Variants in LRRIQ1 observed in about 807,000 individuals in gnomAD.
LRRIQ1 encodes the protein leucine rich repeats and IQ motif containing 1, also known as leucine-rich repeat- and IQ domain-containing protein 1.
In LRRIQ1, 210 loss-of-function variants were observed where a neutral mutation model predicts 211.9. The observed-to-expected ratio is 0.99, with a 90% CI of 0.89 to 1.11. The LOEUF (loss-of-function observed/expected upper bound fraction) is 1.11. LRRIQ1 is among the 50% of genes most tolerant of loss of function. The pLI is 0.00. For missense variants in LRRIQ1, 2,136 were observed against 1,939.5 expected, an observed-to-expected ratio of 1.10 and a Z score of -1.90; for synonymous variants, 699 against 650.1, an observed-to-expected ratio of 1.08 and a Z score of -1.14.
intron 8 of LRRIQ1, 60 bp downstream of exon 8, chr12:85,057,244 A>C: frequency 8.9e-7 from 1 of 1,125,766 alleles, no homozygotes; most frequent in Non-Finnish European, 1.2e-6. Context: ...TTAAAGTATA[A>C]CTTTTCAGAT....
chr12:85,066,098 G>C (rs1057183600), intron 9 of LRRIQ1, among the ~76,000 whole-genome samples: 2 of 151,904 alleles, frequency 1.3e-5, no homozygotes, highest in Non-Finnish European at 2.9e-5. Flanking sequence ...ATTGGTTTCT[G>C]ATGTGTACTG....
At chr12:85,109,113 T>A (rs1592812278) in intron 15 of LRRIQ1, among the ~76,000 whole-genome samples, 1 of 152,270 alleles carries the variant, frequency 6.6e-6, no homozygotes, top group East Asian at 1.9e-4. Context: ...ATAAGATATA[T>A]TACAGAAGAA....
At chr12:85,123,051 G>A (rs2136435048) in intron 16 of LRRIQ1, among the ~76,000 whole-genome samples, 1 of 151,934 alleles carries the variant, frequency 6.6e-6, no homozygotes, top group South Asian at 2.1e-4. Flanking sequence ...CATAAGTGGT[G>A]GTGAGTTCAA....
At chr12:85,086,707 A>G (rs1352723001) in intron 11 of LRRIQ1, among the ~76,000 whole-genome samples, 1 of 151,300 alleles carries the variant, frequency 6.6e-6, no homozygotes, top group Non-Finnish European at 1.5e-5. Context: ...GATACAGTTG[A>G]TGAAACTGAG....
Position 85,217,466 on chromosome 12 carries a change from G to GTATATATA in LRRIQ1, c.4823-12033_4823-12026dup, listed in dbSNP as rs1176544778. ...CCTTTAGATAGAGCAGGGACCTGAA[G>GTATATATA]TATATATATATATATATATATATAT... is the stretch of plus-strand genomic sequence containing the variant. On this transcript the variant is annotated intron_variant, in intron 24 of 26. Coordinates refer to ENST00000393217, the MANE Select transcript of LRRIQ1 (RefSeq NM_001079910.2). Among the ~76,000 whole-genome samples the GTATATATA allele has an allele frequency of 1.0e-4, 7 of 67,020 alleles. 1 individual carries two copies. The highest frequency in any genetic ancestry group is 4.4e-4 in the East Asian group (1 of 2,294). 44.0% of individuals were successfully genotyped at this position (67,020 alleles called of 152,430 possible).
At chr12:85,052,492 A>T (rs890569301) in intron 7 of LRRIQ1, among the ~76,000 whole-genome samples, 9 of 152,002 alleles carry the variant, frequency 5.9e-5, no homozygotes, top group South Asian at 2.1e-4. Flanking sequence ...ATTTCTTTTA[A>T]GGTTTGATGA....
At chr12:85,086,212 T>A (rs1417481574) in intron 11 of LRRIQ1, among the ~76,000 whole-genome samples, 1 of 152,202 alleles carries the variant, frequency 6.6e-6, no homozygotes, top group Non-Finnish European at 1.5e-5. Context: ...TTTCACATAT[T>A]TGTTGACTGC....
intron 19 of LRRIQ1, among the ~76,000 whole-genome samples, chr12:85,138,915 T>TA (rs1228960826): frequency 1.3e-5 from 2 of 151,528 alleles, no homozygotes; most frequent in Non-Finnish European, 3.0e-5. Flanking sequence ...ATGGTAGTCT[T>TA]ACGTAGCAGA....
At position 85,056,357 on chromosome 12, in the gene LRRIQ1, A is replaced by T; in HGVS notation, c.1564A>T (p.Lys522Ter). 6.3e-7 allele frequency: 1 copy of T among 1,592,842 alleles called. No individual in the cohort carries two copies. Among genetic ancestry groups the T allele is most frequent in the Non-Finnish European group, 8.5e-7 (1 of 1,174,618 alleles). Residue 522 changes from lysine to a stop codon, truncating the protein, a stop_gained, in exon 8 of 27, where the codon AAA becomes TAA. Transcript: ENST00000393217. LOFTEE classifies it high-confidence loss of function. ...AAACTCTGATCTAAAAGGAAATCTG[A>T]AAGAACAGTTTCCATTGCAAGAATT... ...LGNSDLKGNL[K>*]EQFPLQELKS... is the part of the protein sequence containing the mutation.
downstream of LRRIQ1, among the ~76,000 whole-genome samples, chr12:85,248,480 AGTGGTTT>A (rs1442481610): frequency 1.3e-5 from 2 of 151,526 alleles, no homozygotes; most frequent in Admixed American, 1.3e-4. Flanking sequence ...CATACCCACG[AGTGGTTT>A]TCAGGTGTCT....
intron 24 of LRRIQ1, among the ~76,000 whole-genome samples, chr12:85,203,854 A>G (rs533196843): frequency 3.2e-4 from 49 of 152,266 alleles, no homozygotes; most frequent in Non-Finnish European, 5.7e-4. Flanking sequence ...AGAAAAGAAA[A>G]TCCCATTTTC....
At chr12:85,071,113 T>TA (rs1883034926) in intron 10 of LRRIQ1, among the ~76,000 whole-genome samples, 1 of 151,902 alleles carries the variant, frequency 6.6e-6, no homozygotes, top group Non-Finnish European at 1.5e-5. Flanking sequence ...AAAACTACAT[T>TA]AAAAAAGCAT....
chr12:85,217,776 C>A (rs1178313077), intron 24 of LRRIQ1, among the ~76,000 whole-genome samples: 5 of 108,200 alleles, frequency 4.6e-5, no homozygotes, highest in Admixed American at 4.0e-4. Flanking sequence ...GTGTGTGTCT[C>A]TCTCTATATA....
At chr12:85,229,784 G>C in intron 25 of LRRIQ1, 135 bp downstream of exon 25, 1 of 762,486 alleles carries the variant, frequency 1.3e-6, no homozygotes, top group South Asian at 1.8e-5. Flanking sequence ...GTAATACAAA[G>C]GCCTTTCATA....
At chr12:85,040,464 G>A in intron 2 of LRRIQ1, 26 bp from the exon 3 acceptor site, 1 of 1,375,246 alleles carries the variant, frequency 7.3e-7, no homozygotes, top group Non-Finnish European at 1.0e-6. Context: ...CACTTTCACA[G>A]TTTCTTGTAT....
At chr12:85,052,529 T>C (rs1432809908) in intron 7 of LRRIQ1, among the ~76,000 whole-genome samples, 1 of 152,088 alleles carries the variant, frequency 6.6e-6, no homozygotes, top group East Asian at 1.9e-4. Context: ...TATTTCTTTA[T>C]GTTCAAAGAT....
intron 15 of LRRIQ1, among the ~76,000 whole-genome samples, chr12:85,121,245 C>T (rs1271245246): frequency 2.6e-5 from 4 of 152,044 alleles, no homozygotes; most frequent in Admixed American, 2.0e-4. Flanking sequence ...AATATCCTAC[C>T]TCTTTTGTTT....
chr12:85,253,382 T>G (rs73365740), intron 1 of LRRIQ1, among the ~76,000 whole-genome samples: 2 of 152,218 alleles, frequency 1.3e-5, no homozygotes, highest in African/African-American at 4.8e-5. Context: ...TCACACAAGA[T>G]TCATGCAATA....
Position 85,085,456 on chromosome 12 carries a change from A to G in LRRIQ1, c.2887+12358A>G, listed in dbSNP as rs532040665. Among the ~76,000 whole-genome samples, 3 of 152,166 alleles carry G rather than the reference A, an allele frequency of 2.0e-5. No individual in the cohort carries two copies. The East Asian group carries it at 5.8e-4, about 29-fold the overall frequency. ...TTTGGTGGGGACAGAAAGCCTAACC[A>G]TATCAGGGGGAATATGTGCAGGTTT... On this transcript the variant is annotated intron_variant, in intron 11 of 26. Transcript: ENST00000393217.
Sources: allele counts gnomAD v4.1 joint callset (sites outside exome capture counted in the v4.1 genomes callset), GRCh38; gene constraint gnomAD v4.1.1; transcripts MANE v1.5; gene names NCBI Gene and HGNC (gene_info 2026-07-23, HGNC 2026-07-21).